The following PDE4D variants were observed in gnomAD, a reference collection of about 807,000 sequenced individuals.
PDE4D encodes the protein phosphodiesterase 4D.
Under a neutral mutation model 87.4 loss-of-function variants are expected in PDE4D, and 24 were observed. The ratio of observed to expected loss-of-function variants is 0.27; its 90% CI spans 0.20 to 0.39. The LOEUF is 0.39. Ranked by LOEUF, PDE4D falls within the 10% of genes least tolerant of loss-of-function variation. The pLI is 1.00. For synonymous variants in PDE4D, 384 were observed against 383.2 expected, an observed-to-expected ratio of 1.00 and a Z score of -0.02; for missense variants, 714 against 1,041.0, an observed-to-expected ratio of 0.69 and a Z score of 4.32.
At chr5:59,768,667 A>C in intron 1 of PDE4D, 1 of 1,488,720 alleles carries the variant, frequency 6.7e-7, no homozygotes, top group Non-Finnish European at 8.9e-7. Flanking sequence ...GGCTGGGTGC[A>C]GAGGAGGCGA....
intron 6 of PDE4D, among the ~76,000 whole-genome samples, chr5:59,026,297 G>A (rs1395177556): frequency 6.6e-6 from 1 of 152,134 alleles, no homozygotes; most frequent in Non-Finnish European, 1.5e-5. Context: ...GCAGAACTGA[G>A]ATTAAGTGAG....
At chr5:60,165,734 A>G (rs1049711523) in intron 2 of PDE4D, among the ~76,000 whole-genome samples, 1 of 149,622 alleles carries the variant, frequency 6.7e-6, no homozygotes, top group Non-Finnish European at 1.5e-5. Flanking sequence ...ATAATTATAT[A>G]TAATATAATA....
intron 5 of PDE4D, among the ~76,000 whole-genome samples, chr5:59,072,405 G>T (rs1006195851): frequency 2.0e-5 from 3 of 152,072 alleles, no homozygotes; most frequent in Non-Finnish European, 4.4e-5. Context: ...GTGGTAAACA[G>T]AATTTAAAAA....
intron 5 of PDE4D, among the ~76,000 whole-genome samples, chr5:59,104,284 T>G (rs1333207517): frequency 2.0e-5 from 3 of 152,142 alleles, no homozygotes; most frequent in Non-Finnish European, 4.4e-5. Context: ...AATTACTGAG[T>G]TAGTATTATC....
intron 1 of PDE4D, among the ~76,000 whole-genome samples, chr5:60,322,128 A>G (rs1756335996): frequency 6.6e-6 from 1 of 152,170 alleles, no homozygotes; most frequent in African/African-American, 2.4e-5. Flanking sequence ...AGCACTATTC[A>G]CAATAGCAAA....
rs77649959 is a variant in PDE4D at position 59,216,811 on chromosome 5, C to T, written c.456-843G>A. The stretch of plus-strand genomic sequence containing the variant: ...ACTGTCACTCATCCTTGAGACTTAG[C>T]CTGCACCTGAAAGGCTACCCTGGTA... On this transcript the variant is annotated intron_variant, in intron 1 of 14. Transcript: ENST00000340635. 5.5e-3 allele frequency: 901 copies of T among 164,128 alleles called. 12 individuals are homozygous for T. Among genetic ancestry groups the T allele is most frequent in the African/African-American group, 0.02 (831 of 41,652 alleles). The allele number at this position is 164,128 out of a possible 1,614,324, so 10.2% of individuals were successfully genotyped here.
intron 2 of PDE4D, among the ~76,000 whole-genome samples, chr5:60,172,129 A>T (rs1783509575): frequency 6.8e-6 from 1 of 147,034 alleles, no homozygotes; most frequent in Non-Finnish European, 1.5e-5. Context: ...TATATATATA[A>T]TATAATATAT....
intron 1 of PDE4D, among the ~76,000 whole-genome samples, chr5:59,550,905 T>G (rs112590457): frequency 0.011 from 1,718 of 151,790 alleles, 31 homozygotes; most frequent in African/African-American, 0.038. Flanking sequence ...ACCATGTTGG[T>G]CAGGCTGGTC....
At chr5:59,243,342 G>C (rs183975971) in intron 1 of PDE4D, among the ~76,000 whole-genome samples, 2 of 149,604 alleles carry the variant, frequency 1.3e-5, no homozygotes, top group Non-Finnish European at 3.0e-5. Context: ...CAAGAGTGTC[G>C]GACTAGACAA....
At chr5:60,088,099 CA>C (rs1284508751) in intron 2 of PDE4D, among the ~76,000 whole-genome samples, 2 of 151,966 alleles carry the variant, frequency 1.3e-5, no homozygotes, top group African/African-American at 4.8e-5. Flanking sequence ...ATGCTATATT[CA>C]CAGTGCTGAA....
At chr5:59,930,697 A>C (rs1255706311) in intron 3 of PDE4D, among the ~76,000 whole-genome samples, 1 of 152,200 alleles carries the variant, frequency 6.6e-6, no homozygotes, top group Non-Finnish European at 1.5e-5. Context: ...AGAAAGGGGA[A>C]GAAAACCAGG....
intron 1 of PDE4D, among the ~76,000 whole-genome samples, chr5:60,456,302 G>A (rs147966030): frequency 1.1e-3 from 168 of 152,304 alleles, no homozygotes; most frequent in African/African-American, 3.9e-3. Flanking sequence ...AGTGGAGGAA[G>A]ACCAGTAGGG....
chr5:59,245,159 T>A (rs1291615198), intron 1 of PDE4D, among the ~76,000 whole-genome samples: 1 of 152,140 alleles, frequency 6.6e-6, no homozygotes, highest in Non-Finnish European at 1.5e-5. Flanking sequence ...CCAACGATGG[T>A]AAATTTGGCA....
At chr5:60,026,648 C>T (rs756213881) in intron 2 of PDE4D, among the ~76,000 whole-genome samples, 2 of 152,120 alleles carry the variant, frequency 1.3e-5, no homozygotes, top group Non-Finnish European at 2.9e-5. Flanking sequence ...ATGATAAGTC[C>T]ATTAGCCATC....
At chr5:60,392,423 G>A (rs541912103) in intron 1 of PDE4D, among the ~76,000 whole-genome samples, 2 of 152,210 alleles carry the variant, frequency 1.3e-5, no homozygotes, top group East Asian at 1.9e-4. Context: ...ACGACATTGA[G>A]AAACAGGTAA....
intron 6 of PDE4D, among the ~76,000 whole-genome samples, chr5:59,012,889 C>A (rs889592219): frequency 2.6e-5 from 4 of 152,170 alleles, no homozygotes; most frequent in Non-Finnish European, 5.9e-5. Context: ...CCAAAACTGA[C>A]CACATAGTTG....
intron 3 of PDE4D, among the ~76,000 whole-genome samples, chr5:59,969,916 A>G (rs1230772392): frequency 6.6e-6 from 1 of 152,172 alleles, no homozygotes; most frequent in Non-Finnish European, 1.5e-5. Flanking sequence ...GCAGTGTGAG[A>G]ACGGACAAAT....
chr5:59,652,987 C>A (rs1018121252), intron 1 of PDE4D, among the ~76,000 whole-genome samples: 1 of 151,978 alleles, frequency 6.6e-6, no homozygotes, highest in Non-Finnish European at 1.5e-5. Flanking sequence ...TTATGCAAAA[C>A]AAATCCATTG....
chr5:59,895,081 G>A (rs1419048542), upstream of PDE4D, among the ~76,000 whole-genome samples: 1 of 152,154 alleles, frequency 6.6e-6, no homozygotes, highest in Non-Finnish European at 1.5e-5. Flanking sequence ...CACACACTCA[G>A]TCTTAACATA....
Sources: allele counts gnomAD v4.1 joint callset (sites outside exome capture counted in the v4.1 genomes callset), GRCh38; gene constraint gnomAD v4.1.1; transcripts MANE v1.5; gene names NCBI Gene and HGNC (gene_info 2026-07-23, HGNC 2026-07-21).